The following TPCN1 variants were observed in gnomAD, a reference collection of about 807,000 sequenced individuals.
TPCN1 encodes the protein two pore channel protein 1.
TPCN1 carries 52 observed loss-of-function variants against 108.8 expected under a neutral mutation model. That is an observed-to-expected ratio of 0.48 (90% CI 0.38 to 0.60). The LOEUF is 0.60. Among genes scored for constraint, TPCN1 ranks in the 20% least tolerant of loss-of-function variants. TPCN1 has a pLI of 0.00. For synonymous variants in TPCN1, 446 were observed against 433.7 expected, an observed-to-expected ratio of 1.03 and a Z score of -0.35; for missense variants, 806 against 1,072.8, an observed-to-expected ratio of 0.75 and a Z score of 3.47.
chr12:113,266,896 C>T lies in TPCN1; in HGVS notation c.414+540C>T, dbSNP rs75708087. On this transcript the variant is annotated intron_variant, in intron 4 of 27. Coordinates refer to ENST00000335509, the MANE Select transcript of TPCN1 (RefSeq NM_017901.6). This position sits in a 1 kb window ranked among gnomAD's most constrained non-coding sequence, Gnocchi z 4.2. ...AGCCTGTGCCTGTTGAGTTAGGAAG[C>T]GCTCATCCAGCCTGGCCTCCAAGGC... Among the ~76,000 whole-genome samples the T allele has an allele frequency of 8.5e-3, 1,298 of 152,310 alleles. 26 individuals carry two copies. Among genetic ancestry groups the T allele is most frequent in the East Asian group, 0.056 (291 of 5,188 alleles).
At chr12:113,244,656 G>C (rs1954280393) in intron 2 of TPCN1, 8 of 985,286 alleles carry the variant, frequency 8.1e-6, no homozygotes, top group Middle Eastern at 5.2e-4. Context: ...CCATGGTGTG[G>C]GGCTCTCAGT....
chr12:113,243,171 A>T (rs549561982), intron 2 of TPCN1, among the ~76,000 whole-genome samples: 1 of 152,066 alleles, frequency 6.6e-6, no homozygotes, highest in Non-Finnish European at 1.5e-5. Context: ...GAAGTTCAAG[A>T]CCAGCCTAGC....
intron 10 of TPCN1, among the ~76,000 whole-genome samples, chr12:113,274,284 CTCTACT>C (rs1185962093): frequency 1.3e-5 from 2 of 152,032 alleles, no homozygotes; most frequent in Non-Finnish European, 2.9e-5. Context: ...GAAACCCTGT[CTCTACT>C]TATGAAAATT....
At chr12:113,245,794 G>A (rs1212396511) in intron 2 of TPCN1, 1 of 365,348 alleles carries the variant, frequency 2.7e-6, no homozygotes, top group Admixed American at 3.4e-5. Flanking sequence ...CCCTGCGCCT[G>A]CTGGGTGAGG....
At chr12:113,278,332 C>A in intron 13 of TPCN1, 95 bp downstream of exon 13, 1 of 1,148,364 alleles carries the variant, frequency 8.7e-7, no homozygotes, top group Non-Finnish European at 1.3e-6. Flanking sequence ...AGCTCTCTCC[C>A]TGCTAGAGCA....
intron 2 of TPCN1, chr12:113,245,839 C>T (rs1029331850): frequency 7.4e-6 from 3 of 408,084 alleles, no homozygotes; most frequent in Non-Finnish European, 1.5e-5. Flanking sequence ...CCTGCCTGTT[C>T]TTTCCTGCTC....
Position 113,269,129 on chromosome 12 carries a change from G to A in TPCN1, c.659+257G>A, listed in dbSNP as rs555435592. ...CGCAGCCTTCCAGAGCTGCTTCCTC[G>A]CTCTAGGCATGTTATCTACCCAAAT... On this transcript the variant is annotated intron_variant, in intron 6 of 27. Transcript: ENST00000335509. This position sits in a 1 kb window ranked among gnomAD's most constrained non-coding sequence, Gnocchi z 5.0. 1.1e-4 allele frequency among the ~76,000 whole-genome samples: 17 copies of A among 152,260 alleles called. No individual in the cohort carries two copies. The highest frequency in any genetic ancestry group is 2.1e-4 in the South Asian group (1 of 4,822).
chr12:113,291,555 G>A (rs775757828), intron 23 of TPCN1, 54 bp from the exon 24 acceptor site: 23 of 1,516,326 alleles, frequency 1.5e-5, no homozygotes, highest in East Asian at 1.4e-4. Context: ...CTGTGTAGAC[G>A]GGGACCTGCC....
intron 1 of TPCN1, among the ~76,000 whole-genome samples, chr12:113,223,703 C>G (rs1953360492): frequency 6.6e-6 from 1 of 152,108 alleles, no homozygotes; most frequent in Non-Finnish European, 1.5e-5. Context: ...ACCACCACAC[C>G]TGGCTAATTT....
chr12:113,287,267 C>T (rs1956114966), intron 19 of TPCN1, 173 bp downstream of exon 19: 4 of 609,192 alleles, frequency 6.6e-6, no homozygotes, highest in Non-Finnish European at 1.2e-5. Context: ...TGAGGGTGTG[C>T]AGGCTGCCTG....
chr12:113,227,864 C>G (rs1953531593), intron 2 of TPCN1, among the ~76,000 whole-genome samples: 1 of 152,066 alleles, frequency 6.6e-6, no homozygotes. Flanking sequence ...GGTGGCCTCC[C>G]CTGGGAACTG....
chr12:113,268,207 G>A lies in TPCN1; in HGVS notation c.528+251G>A, dbSNP rs1047412512. ...TGGCGCAGTCACCTTCGAGAGAGAT[G>A]TGCTGCTCTCCGTGGTTTACATTCA... On this transcript the variant is annotated intron_variant, in intron 5 of 27. Coordinates refer to ENST00000335509, the MANE Select transcript of TPCN1 (RefSeq NM_017901.6). The surrounding 1 kb of genome is among the most constrained non-coding windows in gnomAD (Gnocchi z 7.3). Among the ~76,000 whole-genome samples the A allele has an allele frequency of 2.0e-5, 3 of 152,208 alleles. No homozygotes were observed. The highest frequency in any genetic ancestry group is 4.4e-5 in the Non-Finnish European group (3 of 68,040).
In TPCN1 at chr12:113,279,381, A is replaced by G. The variant is rs1566189456; in HGVS notation, c.1297+546A>G. Among the ~76,000 whole-genome samples, 7 of 22,502 alleles carry G rather than the reference A, an allele frequency of 3.1e-4. 1 individual carries two copies. Among genetic ancestry groups the G allele is most frequent in the East Asian group, 1.8e-3 (1 of 558 alleles). 14.8% of individuals were successfully genotyped at this position (22,502 alleles called of 152,430 possible). On this transcript the variant is annotated intron_variant, in intron 14 of 27. Coordinates refer to ENST00000335509, the MANE Select transcript of TPCN1 (RefSeq NM_017901.6). Reference sequence around the variant, plus strand: ...TGTGTATATATATATATATATATATATATATATATATTTTTTTTTTTTTTT... The same window carrying G: ...TGTGTATATATATATATATATATATGTATATATATATTTTTTTTTTTTTTT...
Position 113,260,373 on chromosome 12 carries a change from G to A in TPCN1, c.118G>A (p.Gly40Ser), listed in dbSNP as rs138959802. The change falls in exon 3 of 28, where the codon GGC becomes AGC. Residue 40 changes from glycine (G) to serine (S), a missense_variant. Coordinates refer to ENST00000335509, the MANE Select transcript of TPCN1 (RefSeq NM_017901.6). ...GQEELPSKNG[G>S]SYAIHDSQAP... ...TCTCTCCTCTTCCAATGCAGATGGCGGCAGCTATGCCATCCACGACTCCCA... is the reference window on the plus strand; with the variant it reads ...TCTCTCCTCTTCCAATGCAGATGGCAGCAGCTATGCCATCCACGACTCCCA... 36 of 1,494,632 alleles carry A rather than the reference G, an allele frequency of 2.4e-5. No individual in the cohort carries two copies. In the African/African-American group the frequency reaches 4.4e-4, roughly 18 times the overall value. 92.6% of individuals were successfully genotyped at this position (1,494,632 alleles called of 1,614,324 possible).
Position 113,293,040 on chromosome 12 carries a change from G to C in TPCN1, c.2220G>C (p.Leu740=). 6.2e-7 allele frequency: 1 copy of C among 1,613,060 alleles called. No homozygotes were observed. The highest frequency in any genetic ancestry group is 8.5e-7 in the Non-Finnish European group (1 of 1,179,882). The change falls in exon 26 of 28, where the codon CTG becomes CTC. Residue 740 remains leucine, a synonymous_variant. Transcript: ENST00000335509. ...GGGCCTCCTCGGATGTCACCAGGCT[G>C]CTGGAGACCCTCTCCCAGATGGAGA... ...ARGASSDVTR[L]LETLSQMERY... is the part of the protein sequence containing the mutation.
intron 2 of TPCN1, among the ~76,000 whole-genome samples, chr12:113,248,359 C>T (rs1008230723): frequency 9.9e-5 from 15 of 152,258 alleles, no homozygotes; most frequent in Non-Finnish European, 1.9e-4. Flanking sequence ...GGGAACACCA[C>T]AGTGACCAAA....
chr12:113,284,867 A>C lies in TPCN1; in HGVS notation c.1453+96A>C. The C allele has an allele frequency of 7.3e-7, 1 of 1,366,944 alleles. No homozygotes were observed. Among genetic ancestry groups the C allele is most frequent in the South Asian group, 1.2e-5 (1 of 84,888 alleles). The allele number at this position is 1,366,944 out of a possible 1,614,324, so 84.7% of individuals were successfully genotyped here. A position where few individuals can be genotyped will look rare whatever the true frequency, so the allele number is the denominator to read the frequency against. ...GAACCTCATGGTTCTTCTCTAAAAC[A>C]GGAAGCTATAAAGAGACGGAGTAAT... On this transcript the variant is annotated intron_variant, in intron 17 of 27. Coordinates refer to ENST00000335509, the MANE Select transcript of TPCN1 (RefSeq NM_017901.6). This position sits in a 1 kb window ranked among gnomAD's most constrained non-coding sequence, Gnocchi z 4.1.
intron 2 of TPCN1, among the ~76,000 whole-genome samples, chr12:113,240,747 C>CTT (rs112630841): frequency 7.5e-5 from 10 of 133,786 alleles, no homozygotes; most frequent in African/African-American, 2.2e-4. Flanking sequence ...CCTGCCCATT[C>CTT]TTTTTTTTTT....
intron 1 of TPCN1, among the ~76,000 whole-genome samples, chr12:113,226,120 T>C (rs1019038029): frequency 1.3e-5 from 2 of 151,626 alleles, no homozygotes; most frequent in African/African-American, 4.8e-5. Flanking sequence ...AAGGTCTTGC[T>C]ATATTGCCCA....
Sources: allele counts gnomAD v4.1 joint callset (sites outside exome capture counted in the v4.1 genomes callset), GRCh38; gene constraint gnomAD v4.1.1; non-coding constraint Gnocchi (gnomAD v3.1); transcripts MANE v1.5; gene names NCBI Gene and HGNC (gene_info 2026-07-23, HGNC 2026-07-21).